The following DNAH8 variants were observed in gnomAD, a reference collection of about 807,000 sequenced individuals.
The protein encoded by DNAH8 is dynein axonemal heavy chain 8.
A neutral mutation model predicts 562.1 loss-of-function variants in DNAH8; 382 were observed. The observed-to-expected ratio is 0.68, with a 90% CI of 0.63 to 0.74. The LOEUF (loss-of-function observed/expected upper bound fraction) is 0.74, where lower values mean the gene tolerates loss of function less well. Among genes scored for constraint, DNAH8 ranks in the 30% least tolerant of loss-of-function variants. DNAH8 has a pLI of 0.00. For missense variants in DNAH8, 5,203 were observed against 5,620.4 expected (o/e 0.93, Z 2.37); for synonymous variants, 1,881 against 1,919.4 (o/e 0.98, Z 0.52).
chr6:38,783,225 C>A, intron 17 of DNAH8, 86 bp downstream of exon 17: 1 of 1,208,580 alleles, frequency 8.3e-7, no homozygotes. Flanking sequence ...TTTTCCATCC[C>A]TTCCACATAA....
intron 65 of DNAH8, 65 bp downstream of exon 65, chr6:38,909,809 T>TGC: frequency 1.6e-6 from 2 of 1,273,566 alleles, no homozygotes; most frequent in Non-Finnish European, 2.3e-6. Flanking sequence ...GAGGAATGCA[T>TGC]TGTAACATCC....
intron 45 of DNAH8, 60 bp from the exon 46 acceptor site, chr6:38,866,531 T>C: frequency 8.5e-7 from 1 of 1,177,616 alleles, no homozygotes; most frequent in South Asian, 1.4e-5. Context: ...TGAAATATAT[T>C]TGTATTCAGA....
At chr6:38,996,195 G>T (rs985107626) in intron 88 of DNAH8, among the ~76,000 whole-genome samples, 19 of 151,922 alleles carry the variant, frequency 1.3e-4, no homozygotes, top group African/African-American at 4.6e-4. Flanking sequence ...AGGTAGCAGT[G>T]TGATCTAGTA....
intron 66 of DNAH8, among the ~76,000 whole-genome samples, chr6:38,911,797 C>T (rs1457111356): frequency 6.6e-6 from 1 of 152,194 alleles, no homozygotes; most frequent in Non-Finnish European, 1.5e-5. Flanking sequence ...ATTTTCTCTG[C>T]AGAACCATTT....
intron 91 of DNAH8, among the ~76,000 whole-genome samples, chr6:39,016,531 A>G (rs1766582645): frequency 6.6e-6 from 1 of 150,732 alleles, no homozygotes; most frequent in Admixed American, 6.6e-5. Context: ...AGCCTGGGCA[A>G]CAGAGCGAGA....
At chr6:38,815,862 T>G (rs1211067105) in intron 26 of DNAH8, among the ~76,000 whole-genome samples, 1 of 152,162 alleles carries the variant, frequency 6.6e-6, no homozygotes, top group East Asian at 1.9e-4. Context: ...TATGATGATC[T>G]TAAGTTAAAA....
At chr6:39,003,981 A>AT (rs1267713375) in intron 88 of DNAH8, among the ~76,000 whole-genome samples, 13 of 150,304 alleles carry the variant, frequency 8.6e-5, no homozygotes, top group Admixed American at 7.3e-4. Context: ...TTCCCATTTC[A>AT]TTTTTTTTCT....
At chr6:38,973,296 G>T (rs1446932465) in intron 83 of DNAH8, among the ~76,000 whole-genome samples, 1 of 152,052 alleles carries the variant, frequency 6.6e-6, no homozygotes, top group Non-Finnish European at 1.5e-5. Flanking sequence ...GGGTTTTGGG[G>T]GTGAGTCAGT....
At chr6:38,997,206 T>C (rs1765193699) in intron 88 of DNAH8, among the ~76,000 whole-genome samples, 1 of 152,180 alleles carries the variant, frequency 6.6e-6, no homozygotes, top group African/African-American at 2.4e-5. Flanking sequence ...CTAGGTTTGA[T>C]TCTTCTTTCC....
intron 58 of DNAH8, among the ~76,000 whole-genome samples, chr6:38,892,931 C>G (rs1196699329): frequency 6.6e-6 from 1 of 152,166 alleles, no homozygotes; most frequent in Non-Finnish European, 1.5e-5. Context: ...AGCGACTGTT[C>G]CAATCATCCT....
At chr6:38,770,851 T>C (rs936727478) in intron 12 of DNAH8, among the ~76,000 whole-genome samples, 2 of 152,200 alleles carry the variant, frequency 1.3e-5, no homozygotes, top group East Asian at 3.8e-4. Flanking sequence ...TTAACTGTTA[T>C]ATTAGGCTGA....
chr6:38,729,581 A>G (rs1255598765), intron 3 of DNAH8, among the ~76,000 whole-genome samples: 3 of 152,208 alleles, frequency 2.0e-5, no homozygotes, highest in Non-Finnish European at 4.4e-5. Context: ...GCTTTTAAGA[A>G]TAGTTTATCT....
At chr6:38,987,859 T>C (rs1338306022) in intron 87 of DNAH8, among the ~76,000 whole-genome samples, 1 of 152,244 alleles carries the variant, frequency 6.6e-6, no homozygotes, top group Non-Finnish European at 1.5e-5. Flanking sequence ...GAGGTGAGTT[T>C]GGGTCTCTGG....
chr6:38,893,851 A>C (rs1779503019), intron 58 of DNAH8, among the ~76,000 whole-genome samples: 1 of 152,190 alleles, frequency 6.6e-6, no homozygotes. Flanking sequence ...CAGAATTATC[A>C]TTATTTTCAC....
chr6:38,909,629 T>G lies in DNAH8; in HGVS notation c.9625T>G (p.Tyr3209Asp). 6.2e-7 allele frequency: 1 copy of G among 1,614,190 alleles called. No homozygotes were observed. Residue 3209 changes from tyrosine (Y) to aspartate (D), a missense_variant, in exon 65 of 93, where the codon TAC becomes GAC. This residue lies in a region of DNAH8 where 977 missense variants were observed against 1,061.8 expected (regional missense o/e 0.92). Coordinates refer to ENST00000327475, the MANE Select transcript of DNAH8 (RefSeq NM_001206927.2). Reference sequence around the variant, plus strand: ...GGAGGCTCTGATTGCTGTGGCCTCCTACTTCCTTTCAGACTATAATATTGT... The same window carrying G: ...GGAGGCTCTGATTGCTGTGGCCTCCGACTTCCTTTCAGACTATAATATTGT... Reference protein sequence around the residue: ...PREALIAVASYFLSDYNIVCS... With the variant: ...PREALIAVASDFLSDYNIVCS...
intron 88 of DNAH8, among the ~76,000 whole-genome samples, chr6:38,993,251 C>A (rs1337204596): frequency 6.6e-6 from 1 of 152,162 alleles, no homozygotes; most frequent in Non-Finnish European, 1.5e-5. Flanking sequence ...ATACCACTAC[C>A]AGCAACAAAC....
intron 67 of DNAH8, among the ~76,000 whole-genome samples, chr6:38,914,293 C>T (rs376397320): frequency 3.9e-4 from 58 of 147,468 alleles, no homozygotes; most frequent in African/African-American, 1.3e-3. Flanking sequence ...TGGCCCAAAT[C>T]GAGGAAGAGT....
chr6:39,008,046 C>T (rs1033026418), intron 88 of DNAH8, among the ~76,000 whole-genome samples: 1 of 150,226 alleles, frequency 6.7e-6, no homozygotes, highest in Non-Finnish European at 1.5e-5. Flanking sequence ...AGTGTCTGGT[C>T]GACCTGAAAG....
chr6:38,956,737 A>G (rs1762269662), intron 82 of DNAH8, among the ~76,000 whole-genome samples: 1 of 152,330 alleles, frequency 6.6e-6, no homozygotes, highest in African/African-American at 2.4e-5. Context: ...ATTTTTTGGT[A>G]AGCCTCATGG....
Sources: allele counts gnomAD v4.1 joint callset (sites outside exome capture counted in the v4.1 genomes callset), GRCh38; gene constraint gnomAD v4.1.1; regional missense constraint gnomAD v4.1.1; transcripts MANE v1.5; gene names NCBI Gene and HGNC (gene_info 2026-07-23, HGNC 2026-07-21).